The following CNTLN variants were observed in gnomAD, a reference collection of about 807,000 sequenced individuals.
CNTLN encodes centlein, also known as centlein, centrosomal protein.
In CNTLN, 212 loss-of-function variants were observed where a neutral mutation model predicts 180.0. The ratio of observed to expected loss-of-function variants is 1.18; its 90% CI spans 1.05 to 1.32. CNTLN has a LOEUF of 1.32. Ranked by LOEUF, CNTLN falls within the 40% of genes most tolerant of loss-of-function variation. CNTLN has a pLI of 0.00. For synonymous variants in CNTLN, 722 were observed against 563.1 expected (o/e 1.28, Z -3.99); for missense variants, 2,095 against 1,610.9 (o/e 1.30, Z -5.14).
intron 13 of CNTLN, among the ~76,000 whole-genome samples, chr9:17,378,090 C>G (rs1402405500): frequency 3.3e-5 from 5 of 152,074 alleles, no homozygotes; most frequent in South Asian, 2.1e-4. Flanking sequence ...TATCTATTTT[C>G]TTAACAATTC....
chr9:17,297,819 G>C (rs1044017957), intron 6 of CNTLN, among the ~76,000 whole-genome samples: 7 of 152,220 alleles, frequency 4.6e-5, no homozygotes, highest in Admixed American at 4.6e-4. Flanking sequence ...TAAAATGAAA[G>C]GTTGACGTAC....
At chr9:17,492,235 C>G (rs773249262) in intron 25 of CNTLN, among the ~76,000 whole-genome samples, 5 of 151,886 alleles carry the variant, frequency 3.3e-5, no homozygotes, top group South Asian at 2.1e-4. Context: ...TTATTTGAAT[C>G]TACAATATCA....
intron 12 of CNTLN, among the ~76,000 whole-genome samples, chr9:17,343,480 A>G (rs182194441): frequency 1.3e-5 from 2 of 152,298 alleles, no homozygotes; most frequent in East Asian, 1.9e-4. Flanking sequence ...ATGTAATGAT[A>G]AACTTTTGAG....
At chr9:17,471,223 G>A (rs17764545) in intron 23 of CNTLN, among the ~76,000 whole-genome samples, 1,811 of 151,926 alleles carry the variant, frequency 0.012, 11 homozygotes, top group Non-Finnish European at 0.018. Context: ...TTTCAGCCAC[G>A]AATTTTTGCC....
Position 17,394,676 on chromosome 9 carries a change from A to C in CNTLN, c.2222A>C (p.Lys741Thr). The C allele has an allele frequency of 6.2e-7, 1 of 1,613,486 alleles. No individual in the cohort carries two copies. ...CAAGAAGATACAGAGACCAGAGAAA[A>C]AGAGCTAGAACAGATAATAAAGGGG... is the stretch of plus-strand genomic sequence containing the variant. ...QQQEDTETREKELEQIIKGSK... is the reference protein window; with the variant it reads ...QQQEDTETRETELEQIIKGSK... The change falls in exon 15 of 26, where the codon AAA becomes ACA. Residue 741 changes from lysine to threonine, a missense_variant. Coordinates refer to ENST00000380647, the MANE Select transcript of CNTLN (RefSeq NM_017738.4).
intron 15 of CNTLN, among the ~76,000 whole-genome samples, chr9:17,395,854 C>T (rs913933333): frequency 2.6e-5 from 4 of 152,158 alleles, no homozygotes; most frequent in African/African-American, 9.7e-5. Flanking sequence ...TAAATAGGAG[C>T]TGGGTAAAAT....
intron 3 of CNTLN, among the ~76,000 whole-genome samples, chr9:17,226,793 A>G (rs373176891): frequency 6.6e-6 from 1 of 151,988 alleles, no homozygotes; most frequent in East Asian, 1.9e-4. Context: ...CAGGATGCAT[A>G]GCAACATCTG....
chr9:17,224,842 A>G (rs536324980), intron 2 of CNTLN, among the ~76,000 whole-genome samples: 1 of 151,422 alleles, frequency 6.6e-6, no homozygotes, highest in African/African-American at 2.4e-5. Flanking sequence ...AGAGGATTGC[A>G]TCTTTTGACT....
At chr9:17,221,345 A>G (rs1824123552) in intron 2 of CNTLN, among the ~76,000 whole-genome samples, 4 of 152,118 alleles carry the variant, frequency 2.6e-5, no homozygotes. Flanking sequence ...AAAACATAAA[A>G]TAAAAAGGGG....
intron 23 of CNTLN, 94 bp downstream of exon 23, chr9:17,466,985 T>G: frequency 1.3e-6 from 1 of 785,440 alleles, no homozygotes; most frequent in Non-Finnish European, 2.0e-6. Context: ...AGTTTCTTTC[T>G]GCTTTCCTAA....
chr9:17,460,697 A>G (rs1831399885), intron 19 of CNTLN, among the ~76,000 whole-genome samples: 1 of 151,800 alleles, frequency 6.6e-6, no homozygotes, highest in South Asian at 2.1e-4. Flanking sequence ...TCAATTCTCC[A>G]AGTCAGAGTT....
Position 17,381,391 on chromosome 9 carries a change from A to G in CNTLN, c.1988-6771A>G, listed in dbSNP as rs140811742. Among the ~76,000 whole-genome samples, 673 of 152,340 alleles carry G rather than the reference A, an allele frequency of 4.4e-3. 3 individuals are homozygous for G. Among genetic ancestry groups the G allele is most frequent in the African/African-American group, 0.015 (605 of 41,584 alleles). On this transcript the variant is annotated intron_variant, in intron 13 of 25. Transcript: ENST00000380647. ...TGCAGCCAGCAATAACCAAACTCAT[A>G]CTATCAGCATTCTGCACTGACACCT... is the stretch of plus-strand genomic sequence containing the variant.
intron 13 of CNTLN, among the ~76,000 whole-genome samples, chr9:17,370,878 T>A (rs1824262765): frequency 6.6e-6 from 1 of 152,142 alleles, no homozygotes; most frequent in Admixed American, 6.6e-5. Context: ...AAATAATGGG[T>A]TATAAGATAG....
chr9:17,349,708 CTATCA>C (rs1457907549), intron 12 of CNTLN, among the ~76,000 whole-genome samples: 4 of 152,138 alleles, frequency 2.6e-5, no homozygotes, highest in Admixed American at 1.3e-4. Flanking sequence ...TAAGATATAT[CTATCA>C]TATCATAACT....
At chr9:17,211,148 G>T (rs1284436618) in intron 2 of CNTLN, among the ~76,000 whole-genome samples, 3 of 152,104 alleles carry the variant, frequency 2.0e-5, no homozygotes, top group Non-Finnish European at 4.4e-5. Flanking sequence ...TGTCCTGAAT[G>T]GTATTGCCTA....
At chr9:17,456,191 T>A (rs920515672) in intron 18 of CNTLN, among the ~76,000 whole-genome samples, 10 of 152,098 alleles carry the variant, frequency 6.6e-5, no homozygotes, top group African/African-American at 2.4e-4. Flanking sequence ...GGATTCAAGG[T>A]TGAATATTAG....
chr9:17,160,372 G>A (rs1293122480), intron 2 of CNTLN, among the ~76,000 whole-genome samples: 1 of 151,998 alleles, frequency 6.6e-6, no homozygotes, highest in East Asian at 1.9e-4. Context: ...GAACTTATTG[G>A]CTTCTTCTTT....
the CNTLN span, among the ~76,000 whole-genome samples, chr9:17,524,534 T>C: frequency 6.6e-6 from 1 of 152,234 alleles, no homozygotes; most frequent in Non-Finnish European, 1.5e-5. Context: ...AACATTCTCA[T>C]AGACACACCC....
rs149393103 is a variant in CNTLN, at chr9:17,136,094, T to C, written c.360+669T>C. ...CAATTGCATTAAAATTACTTTCCTG[T>C]TTGTAGAGTTTTTGTAAGGATGGAC... On this transcript the variant is annotated intron_variant, in intron 1 of 25. Coordinates refer to ENST00000380647, the MANE Select transcript of CNTLN (RefSeq NM_017738.4). Among the ~76,000 whole-genome samples, 718 of 152,320 alleles carry C rather than the reference T, an allele frequency of 4.7e-3. 14 individuals carry two copies. Among genetic ancestry groups the C allele is most frequent in the Non-Finnish European group, 3.5e-3 (236 of 68,020 alleles).
Sources: allele counts gnomAD v4.1 joint callset (sites outside exome capture counted in the v4.1 genomes callset), GRCh38; gene constraint gnomAD v4.1.1; transcripts MANE v1.5; gene names NCBI Gene and HGNC (gene_info 2026-07-23, HGNC 2026-07-21).